OLFM2: variants seen among roughly 807,000 people sequenced by gnomAD.
OLFM2 encodes the protein noelin-2.
In OLFM2, 20 loss-of-function variants were observed where a neutral mutation model predicts 43.9. The ratio of observed to expected loss-of-function variants is 0.46; its 90% confidence interval spans 0.32 to 0.66. The LOEUF (loss-of-function observed/expected upper bound fraction) is 0.66, where lower values mean the gene tolerates loss of function less well. Ranked by LOEUF, OLFM2 falls within the 30% of genes least tolerant of loss-of-function variation. The pLI is 0.04. For synonymous variants in OLFM2, 268 were observed against 278.6 expected (o/e 0.96, Z 0.38); for missense variants, 416 against 643.6 (o/e 0.65, Z 3.83).
At chr19:9,901,177 AAAG>A (rs1270162430) in intron 1 of OLFM2, among the ~76,000 whole-genome samples, 1 of 150,318 alleles carries the variant, frequency 6.7e-6, no homozygotes, top group African/African-American at 2.4e-5. Context: ...GAAGGAAGGA[AAAG>A]AAAGAAGGAA....
In OLFM2 at chr19:9,936,458, C is replaced by G; in HGVS notation, c.-92G>C. ...ACCAGGCGCGACCCCGCCCGCCCGG[C>G]CGGGGCGACCCTGCGCCGCCGCCTC... On this transcript the variant is annotated 5_prime_UTR_variant, in exon 1 of 6. Coordinates refer to ENST00000264833, the MANE Select transcript of OLFM2 (RefSeq NM_058164.4). 1.1e-6 allele frequency: 1 copy of G among 923,018 alleles called. No homozygotes were observed. The highest frequency in any genetic ancestry group is 1.3e-6 in the Non-Finnish European group (1 of 773,212). 57.2% of individuals were successfully genotyped at this position (923,018 alleles called of 1,614,324 possible).
At chr19:9,924,552 C>T (rs2086440840) in intron 1 of OLFM2, among the ~76,000 whole-genome samples, 1 of 152,164 alleles carries the variant, frequency 6.6e-6, no homozygotes, top group Admixed American at 6.6e-5. Flanking sequence ...AGCCATTGCT[C>T]CCGGCCTGAC....
At chr19:9,913,417 G>C (rs2046845261) in intron 1 of OLFM2, 1 of 924,474 alleles carries the variant, frequency 1.1e-6, no homozygotes, top group Non-Finnish European at 1.3e-6. Flanking sequence ...GGGCTGCGGC[G>C]GCGGCAGCGG....
At position 9,900,573 on chromosome 19, in the gene OLFM2, C is replaced by G. The variant is rs565423403; in HGVS notation, c.63+35731G>C. Among the ~76,000 whole-genome samples the G allele has an allele frequency of 1.3e-3, 196 of 151,928 alleles. 1 individual carries two copies. Among genetic ancestry groups the G allele is most frequent in the Non-Finnish European group, 2.1e-3 (141 of 67,980 alleles). On this transcript the variant is annotated intron_variant, in intron 1 of 5. Transcript: ENST00000264833. ...TTTGCATTGCCCCCCATACTTAGCT[C>G]TGATGGGGGAAAGGTGTGAAACGTG...
At chr19:9,914,768 G>GGA (rs2046861805) in intron 1 of OLFM2, among the ~76,000 whole-genome samples, 1 of 152,082 alleles carries the variant, frequency 6.6e-6, no homozygotes. Context: ...GCTGGGCCGC[G>GGA]GAGAGGAGCG....
In OLFM2 at chr19:9,936,487, C is replaced by G. The variant is rs1455079287; in HGVS notation, c.-121G>C. 8.5e-6 allele frequency: 6 copies of G among 703,648 alleles called. No homozygotes were observed. The highest frequency in any genetic ancestry group is 1.9e-5 in the African/African-American group (1 of 51,428). 43.6% of individuals were successfully genotyped at this position (703,648 alleles called of 1,614,324 possible). Reference sequence around the variant, plus strand: ...GGCGACCCTGCGCCGCCGCCTCCCCCGCCTCGCCGGCGGCCGGGATTCCGC... The same window carrying G: ...GGCGACCCTGCGCCGCCGCCTCCCCGGCCTCGCCGGCGGCCGGGATTCCGC... On this transcript the variant is annotated 5_prime_UTR_variant, in exon 1 of 6. Transcript: ENST00000264833.
intron 1 of OLFM2, among the ~76,000 whole-genome samples, chr19:9,913,222 A>C (rs2046843195): frequency 1.3e-5 from 2 of 152,044 alleles, no homozygotes; most frequent in Admixed American, 1.3e-4. Context: ...TTGCTCACTA[A>C]TAATCATAAT....
intron 1 of OLFM2, among the ~76,000 whole-genome samples, chr19:9,884,600 G>A (rs934901824): frequency 1.3e-5 from 2 of 152,088 alleles, no homozygotes; most frequent in South Asian, 2.1e-4. Context: ...GCTAGGACTC[G>A]CCAGTTCTAG....
intron 1 of OLFM2, among the ~76,000 whole-genome samples, chr19:9,865,081 A>G (rs1316172717): frequency 6.6e-6 from 1 of 151,974 alleles, no homozygotes; most frequent in Non-Finnish European, 1.5e-5. Context: ...ATGGCCCAGT[A>G]CAAGAGGAAT....
intron 1 of OLFM2, among the ~76,000 whole-genome samples, chr19:9,931,793 TCCTGG>T (rs1427344486): frequency 6.6e-6 from 1 of 152,032 alleles, no homozygotes; most frequent in African/African-American, 2.4e-5. Flanking sequence ...GGTCTCAAAT[TCCTGG>T]CCTCAAGAGA....
chr19:9,894,208 A>G (rs12610173), intron 1 of OLFM2, among the ~76,000 whole-genome samples: 78,328 of 150,834 alleles, frequency 0.52, 20,819 homozygotes, highest in Admixed American at 0.61. Flanking sequence ...CAGGAGAACC[A>G]CTTGAACCCG....
At chr19:9,891,587 C>T (rs2046640782) in intron 1 of OLFM2, among the ~76,000 whole-genome samples, 1 of 149,740 alleles carries the variant, frequency 6.7e-6, no homozygotes. Flanking sequence ...CACTGCACTC[C>T]AGCCTGGCAA....
rs775109276 is a variant in OLFM2 at position 9,854,834 on chromosome 19, G to A, written c.717C>T (p.Gly239=). 3.1e-6 allele frequency: 5 copies of A among 1,599,732 alleles called. No homozygotes were observed. Among genetic ancestry groups the A allele is most frequent in the Admixed American group, 1.7e-5 (1 of 58,832 alleles). ...RVWYMDGYYK[G]RRVLEFRTLG... is the part of the protein sequence containing the mutation. ...GGGTACGGAACTCCAGGACCCGGCG[G>A]CCTTTGTAATAGCCATCCATGTACC... The change falls in exon 6 of 6, where the codon GGC becomes GGT. Residue 239 remains glycine (G), a synonymous_variant. Transcript: ENST00000264833. This position sits in a 1 kb window ranked among gnomAD's most constrained non-coding sequence, Gnocchi z 9.5.
Position 9,856,434 on chromosome 19 carries a change from T to A in OLFM2, c.687+373A>T, listed in dbSNP as rs971533076. Among the ~76,000 whole-genome samples the A allele has an allele frequency of 7.9e-5, 12 of 152,234 alleles. No homozygotes were observed. Among genetic ancestry groups the A allele is most frequent in the African/African-American group, 2.9e-4 (12 of 41,466 alleles). Reference sequence around the variant, plus strand: ...TCTTGTGTGTCTAAGTGATGGGCAGTCATGACCATGGAAGCTACTAGAAGT... The same window carrying A: ...TCTTGTGTGTCTAAGTGATGGGCAGACATGACCATGGAAGCTACTAGAAGT... On this transcript the variant is annotated intron_variant, in intron 5 of 5. Transcript: ENST00000264833. The surrounding 1 kb of genome is among the most constrained non-coding windows in gnomAD (Gnocchi z 4.0).
chr19:9,922,764 C>T (rs547683575), intron 1 of OLFM2, among the ~76,000 whole-genome samples: 14 of 151,522 alleles, frequency 9.2e-5, no homozygotes, highest in Admixed American at 2.6e-4. Flanking sequence ...CAAAAAAATT[C>T]GCCAGGAGTG....
chr19:9,919,291 G>A (rs939642399), intron 1 of OLFM2, among the ~76,000 whole-genome samples: 15 of 151,096 alleles, frequency 9.9e-5, no homozygotes, highest in Admixed American at 3.3e-4. Flanking sequence ...CTCAGCCTCC[G>A]GAGTAGCTGG....
At chr19:9,860,892 T>C (rs1480079547) in intron 1 of OLFM2, 98 bp from the exon 2 acceptor site, 15 of 1,274,204 alleles carry the variant, frequency 1.2e-5, no homozygotes, top group Non-Finnish European at 6.4e-6. Context: ...ACAGATGCCC[T>C]TTGCTGGGCT....
intron 1 of OLFM2, among the ~76,000 whole-genome samples, chr19:9,892,786 G>A (rs144583118): frequency 2.0e-5 from 3 of 152,276 alleles, no homozygotes; most frequent in East Asian, 3.9e-4. Flanking sequence ...AGAGGCACTC[G>A]ACAGTTTGGG....
At chr19:9,935,760 C>T (rs1047915178) in intron 1 of OLFM2, among the ~76,000 whole-genome samples, 8 of 151,890 alleles carry the variant, frequency 5.3e-5, no homozygotes, top group African/African-American at 1.7e-4. Flanking sequence ...CCAACCGCCA[C>T]ACACACAAAC....
Sources: gnomAD v4.1 joint callset for allele counts (sites outside exome capture counted in the v4.1 genomes callset) on GRCh38, gnomAD v4.1.1 for gene constraint, Gnocchi (gnomAD v3.1) non-coding constraint, MANE v1.5 for transcripts, NCBI Gene and HGNC (gene_info 2026-07-23, HGNC 2026-07-21) for gene names.